The following SDCBP variants were observed in gnomAD, a reference collection of about 807,000 sequenced individuals.
The protein encoded by SDCBP is syntenin-1.
In SDCBP, 22 loss-of-function variants were observed where a neutral mutation model predicts 30.5. The ratio of observed to expected loss-of-function variants is 0.72; its 90% CI spans 0.52 to 1.03. The LOEUF (loss-of-function observed/expected upper bound fraction) is 1.03, where lower values mean the gene tolerates loss of function less well. SDCBP is among the 50% of genes least tolerant of loss of function. SDCBP has a pLI of 0.00. For synonymous variants in SDCBP, 103 were observed against 118.7 expected (o/e 0.87, Z 0.86); for missense variants, 304 against 369.9 (o/e 0.82, Z 1.46).
chr8:58,572,248 G>T lies in SDCBP; in HGVS notation c.174G>T (p.Gly58=), dbSNP rs774862550. 12 of 1,611,960 alleles carry T rather than the reference G, an allele frequency of 7.4e-6. No homozygotes were observed. In the African/African-American group the frequency reaches 1.5e-4, roughly 20 times the overall value. The change falls in exon 4 of 9, where the codon GGG becomes GGT. Residue 58 remains glycine (G), a synonymous_variant. Coordinates refer to ENST00000260130, the MANE Select transcript of SDCBP (RefSeq NM_005625.4). ...ATCCAGAGCTCTCTCAATACATGGG[G>T]CTGAGTTTAAATGAAGAAGAAATAC... ...RLYPELSQYM[G]LSLNEEEIRA...
At chr8:58,580,705 A>G in intron 8 of SDCBP, 97 bp downstream of exon 8, 2 of 695,326 alleles carry the variant, frequency 2.9e-6, no homozygotes, top group Non-Finnish European at 5.1e-6. Context: ...TTACCCAAGG[A>G]ATGGATACTG....
chr8:58,556,000 C>T (rs1283437119), intron 1 of SDCBP, among the ~76,000 whole-genome samples: 4 of 152,164 alleles, frequency 2.6e-5, no homozygotes, highest in African/African-American at 9.7e-5. Flanking sequence ...AATTATCACT[C>T]CAAATTTTCC....
intron 6 of SDCBP, among the ~76,000 whole-genome samples, chr8:58,579,222 G>C (rs1328720995): frequency 1.4e-5 from 2 of 141,896 alleles, no homozygotes; most frequent in African/African-American, 5.1e-5. Context: ...AAAAGAAATA[G>C]TCCTAAAAAT....
At chr8:58,569,937 T>C (rs552899792) in intron 2 of SDCBP, among the ~76,000 whole-genome samples, 4 of 152,328 alleles carry the variant, frequency 2.6e-5, no homozygotes, top group African/African-American at 9.6e-5. Flanking sequence ...GCTTTACTTA[T>C]TTAAACTAAG....
intron 1 of SDCBP, among the ~76,000 whole-genome samples, chr8:58,558,688 AGAGTTGAGAG>A (rs570362443): frequency 6.6e-6 from 1 of 152,234 alleles, no homozygotes; most frequent in Non-Finnish European, 1.5e-5. Flanking sequence ...AATCTGAGGC[AGAGTTGAGAG>A]GAGTTGGGAG....
Position 58,578,178 on chromosome 8 carries a change from G to T in SDCBP, c.548G>T (p.Gly183Val), listed in dbSNP as rs1805455081. Residue 183 changes from glycine to valine, a missense_variant, in exon 6 of 9, where the codon GGA (glycine) becomes GTA (valine). Transcript: ENST00000260130. ...KAHKVLKQAF[G>V]EKITMTIRDR... ...CACAAGGTGCTCAAACAGGCTTTTG[G>T]AGAGAAGATTACCATGACCATTCGT... is the stretch of plus-strand genomic sequence containing the variant. The T allele has an allele frequency of 6.3e-7, 1 of 1,590,746 alleles. No individual in the cohort carries two copies. The highest frequency in any genetic ancestry group is 1.4e-5 in the African/African-American group (1 of 73,426).
At chr8:58,566,953 C>A (rs956169284) in intron 2 of SDCBP, among the ~76,000 whole-genome samples, 1 of 152,166 alleles carries the variant, frequency 6.6e-6, no homozygotes, top group Admixed American at 6.5e-5. Flanking sequence ...GTGGTTTCCT[C>A]TACTTATGCA....
In SDCBP at chr8:58,578,195, A is replaced by C; in HGVS notation, c.565A>C (p.Thr189Pro). 2 of 1,559,258 alleles carry C rather than the reference A, an allele frequency of 1.3e-6. No homozygotes were observed. The highest frequency in any genetic ancestry group is 1.7e-6 in the Non-Finnish European group (2 of 1,157,210). ...GGCTTTTGGAGAGAAGATTACCATG[A>C]CCATTCGTGACAGGTAAGCTGTTAC... ...KQAFGEKITM[T>P]IRDRPFERTI... is the part of the protein sequence containing the mutation. Residue 189 changes from threonine to proline, a missense_variant, in exon 6 of 9, where the codon ACC becomes CCC. Transcript: ENST00000260130.
At chr8:58,561,471 A>G in intron 1 of SDCBP, 2 of 252,290 alleles carry the variant, frequency 7.9e-6, no homozygotes, top group Non-Finnish European at 1.5e-5. Context: ...CAGGATAAGA[A>G]CAACTTGTCA....
chr8:58,566,837 C>A (rs183999281), intron 2 of SDCBP, among the ~76,000 whole-genome samples: 2 of 152,266 alleles, frequency 1.3e-5, no homozygotes, highest in East Asian at 3.9e-4. Flanking sequence ...ATGAACCAAC[C>A]ATTCATATTT....
chr8:58,565,109 C>A, intron 2 of SDCBP, 25 bp downstream of exon 2: 1 of 1,294,538 alleles, frequency 7.7e-7, no homozygotes, highest in Non-Finnish European at 1.1e-6. Context: ...ATACTTTTGT[C>A]AAAACAAACA....
chr8:58,575,205 T>A (rs1464456983), intron 4 of SDCBP, among the ~76,000 whole-genome samples: 1 of 152,198 alleles, frequency 6.6e-6, no homozygotes, highest in African/African-American at 2.4e-5. Context: ...CAGGATTTCC[T>A]TTTTTTAGTG....
chr8:58,581,803 A>G lies in SDCBP; in HGVS notation c.*63A>G, dbSNP rs1453826244. The G allele has an allele frequency of 2.9e-6, 4 of 1,387,646 alleles. No homozygotes were observed. The highest frequency in any genetic ancestry group is 4.1e-6 in the Non-Finnish European group (4 of 975,582). 86.0% of individuals were successfully genotyped at this position (1,387,646 alleles called of 1,614,324 possible). A position where few individuals can be genotyped will look rare whatever the true frequency, so the allele number is the denominator to read the frequency against. On this transcript the variant is annotated 3_prime_UTR_variant, in exon 9 of 9. Coordinates refer to ENST00000260130, the MANE Select transcript of SDCBP (RefSeq NM_005625.4). ...AGTTTCCTTCTTTGGCAACTTCTGTATTATGCACGTGAAGCCTTCCCGGAG... is the reference window on the plus strand; with the variant it reads ...AGTTTCCTTCTTTGGCAACTTCTGTGTTATGCACGTGAAGCCTTCCCGGAG...
intron 2 of SDCBP, among the ~76,000 whole-genome samples, chr8:58,569,736 G>A (rs922857015): frequency 2.0e-5 from 3 of 151,694 alleles, no homozygotes; most frequent in African/African-American, 4.8e-5. Flanking sequence ...TTAGCTAATC[G>A]GTGGTGAAAG....
chr8:58,555,797 A>C (rs1330345309), intron 1 of SDCBP, among the ~76,000 whole-genome samples: 1 of 150,978 alleles, frequency 6.6e-6, no homozygotes, highest in Non-Finnish European at 1.5e-5. Context: ...GCTGGTCTTG[A>C]ACTCCTGGGC....
intron 8 of SDCBP, among the ~76,000 whole-genome samples, chr8:58,580,872 G>A (rs781240378): frequency 6.6e-5 from 10 of 152,212 alleles, no homozygotes; most frequent in Non-Finnish European, 1.5e-4. Flanking sequence ...AAGTGGGCAT[G>A]CTTTCAGCTT....
intron 1 of SDCBP, among the ~76,000 whole-genome samples, chr8:58,562,070 C>G (rs1160433221): frequency 1.4e-5 from 2 of 147,826 alleles, no homozygotes; most frequent in African/African-American, 5.0e-5. Flanking sequence ...CAAAGCATAT[C>G]TATTAAAAAA....
At chr8:58,571,240 A>G (rs1805004381) in intron 3 of SDCBP, among the ~76,000 whole-genome samples, 1 of 152,192 alleles carries the variant, frequency 6.6e-6, no homozygotes, top group South Asian at 2.1e-4. Flanking sequence ...TCATTTATGA[A>G]TGAATTATAT....
intron 1 of SDCBP, among the ~76,000 whole-genome samples, chr8:58,562,379 G>A (rs1804486897): frequency 6.6e-6 from 1 of 152,076 alleles, no homozygotes; most frequent in Non-Finnish European, 1.5e-5. Context: ...TAGGGATTTA[G>A]AATAGCCAAA....
Sources: gnomAD v4.1 joint callset for allele counts (sites outside exome capture counted in the v4.1 genomes callset) on GRCh38, gnomAD v4.1.1 for gene constraint, MANE v1.5 for transcripts, NCBI Gene and HGNC (gene_info 2026-07-23, HGNC 2026-07-21) for gene names.